Variants in HCFC1 observed in about 807,000 individuals in gnomAD.
The protein encoded by HCFC1 is host cell factor 1.
A neutral mutation model predicts 105.5 loss-of-function variants in HCFC1; 7 were observed. That is an observed-to-expected ratio of 0.07 (90% CI 0.04 to 0.12). HCFC1 has a LOEUF of 0.12. HCFC1 is among the 10% of genes least tolerant of loss of function. The probability of loss-of-function intolerance (pLI) is 1.00; values close to 1 mark genes in which losing one functional copy is unlikely to be tolerated. For synonymous variants in HCFC1, 918 were observed against 828.1 expected, an observed-to-expected ratio of 1.11 and a Z score of -1.86; for missense variants, 1,065 against 1,823.6, an observed-to-expected ratio of 0.58 and a Z score of 7.58.
rs1426040631 is a variant in HCFC1 at position 153,956,904 on chromosome X, T to C, written c.2496+14A>G. On this transcript the variant is annotated intron_variant, in intron 14 of 25. Transcript: ENST00000310441. ...CTAGGACACTGGGCTGAGAGACGGC[T>C]GGGAGTGCCTCACCTGGGTCACTCC... 4.1e-6 allele frequency: 5 copies of C among 1,210,228 alleles called. No individual in the cohort carries two copies. The highest frequency in any genetic ancestry group is 4.5e-6 in the Non-Finnish European group (4 of 895,058).
Position 153,958,756 on chromosome X carries a change from C to T in HCFC1, c.1616G>A (p.Ser539Asn), listed in dbSNP as rs1022915985. Reference sequence around the variant, plus strand: ...GGCCATCCCACTCATCTGTGGGCTACTGCCAATCACCTGCAGCAGGCACGG... The same window carrying T: ...GGCCATCCCACTCATCTGTGGGCTATTGCCAATCACCTGCAGCAGGCACGG... ...TQSAQGTVIG[S>N]SPQMSGMAAL... is the part of the protein sequence containing the mutation. The change falls in exon 10 of 26, where the codon AGT becomes AAT. Residue 539 changes from serine to asparagine, a missense_variant. Physicochemically the swap from Ser to Asn is conservative, Grantham distance 46. Coordinates refer to ENST00000310441, the MANE Select transcript of HCFC1 (RefSeq NM_005334.3). The T allele has an allele frequency of 7.3e-5, 85 of 1,162,016 alleles. No individual in the cohort carries two copies. Among genetic ancestry groups the T allele is most frequent in the Non-Finnish European group, 9.0e-5 (78 of 867,553 alleles).
Position 153,951,680 on chromosome X carries a change from G to T in HCFC1, c.5288C>A (p.Ala1763Asp), listed in dbSNP as rs782003808. Reference sequence around the variant, plus strand: ...GCTGGCCACCACAACCGGCTGGGGGGCCACAAATGTGTTGGATGGAGCCAG... The same window carrying T: ...GCTGGCCACCACAACCGGCTGGGGGTCCACAAATGTGTTGGATGGAGCCAG... ...ESLAPSNTFV[A>D]PQPVVVASPA... The change falls in exon 21 of 26, where the codon GCC becomes GAC. Residue 1763 changes from alanine (A) to aspartate (D), a missense_variant. Transcript: ENST00000310441. 1.7e-6 allele frequency: 2 copies of T among 1,210,068 alleles called. No individual in the cohort carries two copies. The highest frequency in any genetic ancestry group is 1.1e-6 in the Non-Finnish European group (1 of 894,771).
chrX:153,960,758 C>T (rs1557116641), intron 6 of HCFC1, among the ~76,000 whole-genome samples: 1 of 112,395 alleles, frequency 8.9e-6, no homozygotes, highest in African/African-American at 3.2e-5. Context: ...CACACACTCT[C>T]ACGCAAAAGA....
chrX:153,964,761 C>T lies in HCFC1; in HGVS notation c.194-35G>A, dbSNP rs782361151. ...AGAAGGAGGCAGAAGTCAGAACACCCGGGAGCCCCCATTCCTCTCATTCCC... is the reference window on the plus strand; with the variant it reads ...AGAAGGAGGCAGAAGTCAGAACACCTGGGAGCCCCCATTCCTCTCATTCCC... On this transcript the variant is annotated intron_variant, in intron 1 of 25. Coordinates refer to ENST00000310441, the MANE Select transcript of HCFC1 (RefSeq NM_005334.3). 2.6e-5 allele frequency: 29 copies of T among 1,118,969 alleles called. No individual in the cohort carries two copies. The South Asian group carries it at 5.7e-4, about 22-fold the overall frequency. The allele number at this position is 1,118,969 out of a possible 1,213,427, so 92.2% of individuals were successfully genotyped here.
rs2065383306 is a variant in HCFC1 at position 153,956,957 on chromosome X, G to T, written c.2457C>A (p.Pro819=). ...GCTGCCCGTGGCCAGTGGCAATTTT[G>T]GGGACAGCAGTGATGATTTTCGCAG... ...GAPAKIITAV[P]KIATGHGQQG... is the part of the protein sequence containing the mutation. The change falls in exon 14 of 26, where the codon CCC becomes CCA. Residue 819 remains proline (P), a synonymous_variant. Transcript: ENST00000310441. 2 of 1,208,915 alleles carry T rather than the reference G, an allele frequency of 1.7e-6. No individual in the cohort carries two copies. Among genetic ancestry groups the T allele is most frequent in the Non-Finnish European group, 2.2e-6 (2 of 894,957 alleles).
chrX:153,956,446 G>T, intron 15 of HCFC1, 35 bp from the exon 16 acceptor site: 1 of 1,167,396 alleles, frequency 8.6e-7, no homozygotes, highest in Non-Finnish European at 1.2e-6. Flanking sequence ...GGCCAAGGCT[G>T]CTGCTGTCTC....
At chrX:153,965,401 G>A (rs1295205893) in intron 1 of HCFC1, among the ~76,000 whole-genome samples, 2 of 108,352 alleles carry the variant, frequency 1.8e-5, no homozygotes, top group African/African-American at 3.4e-5. Context: ...AAGAAAGAGG[G>A]AAATCAGACC....
rs7883972 is a variant in HCFC1 at position 153,958,394 on chromosome X, C to T, written c.1804-145G>A. On this transcript the variant is annotated intron_variant, in intron 10 of 25. Transcript: ENST00000310441. Reference sequence around the variant, plus strand: ...CCCAAGCCCAAGAACAGCTTGGTTCCCCCTTCCTTTAACAGGCAAGGGAGG... The same window carrying T: ...CCCAAGCCCAAGAACAGCTTGGTTCTCCCTTCCTTTAACAGGCAAGGGAGG... 0.017 allele frequency: 11,630 copies of T among 676,744 alleles called. 921 individuals are homozygous for T. The African/African-American group carries it at 0.22, about 13-fold the overall frequency. 55.8% of individuals were successfully genotyped at this position (676,744 alleles called of 1,213,427 possible).
chrX:153,971,568 C>T lies in HCFC1; in HGVS notation c.-728G>A. ...GTCCGCCTCTGCTGCTCAGGCTGCG[C>T]CTGCCGCCGTGGGAGCCGCCATCTT... On this transcript the variant is annotated 5_prime_UTR_variant, in exon 1 of 26. Transcript: ENST00000310441. 1 of 294,113 alleles carries T rather than the reference C, an allele frequency of 3.4e-6. No homozygotes were observed. The highest frequency in any genetic ancestry group is 5.9e-6 in the Non-Finnish European group (1 of 168,515). 24.2% of individuals were successfully genotyped at this position (294,113 alleles called of 1,213,427 possible).
intron 16 of HCFC1, 112 bp from the exon 17 acceptor site, chrX:153,955,654 G>A (rs995445009): frequency 9.0e-6 from 7 of 779,646 alleles, no homozygotes; most frequent in Admixed American, 3.6e-5. Flanking sequence ...ACTTCTCAAC[G>A]GCCCTGGCAG....
Position 153,971,325 on chromosome X carries a change from AG to A in HCFC1, c.-486del. 6.7e-6 allele frequency: 2 copies of A among 298,506 alleles called. No individual in the cohort carries two copies. Among genetic ancestry groups the A allele is most frequent in the Non-Finnish European group, 1.2e-5 (2 of 170,746 alleles). 24.6% of individuals were successfully genotyped at this position (298,506 alleles called of 1,213,427 possible). On this transcript the variant is annotated 5_prime_UTR_variant, in exon 1 of 26. Transcript: ENST00000310441. Reference sequence around the variant, plus strand: ...GAGCCACAAGCGCCGCGGTCGTCGCAGCCCCGCCGGCGCTCAGACCACAATT... The same window carrying A: ...GAGCCACAAGCGCCGCGGTCGTCGCACCCCGCCGGCGCTCAGACCACAATT...
chrX:153,970,338 A>T (rs1389471558), intron 1 of HCFC1, among the ~76,000 whole-genome samples: 1 of 106,038 alleles, frequency 9.4e-6, no homozygotes, highest in African/African-American at 3.4e-5. Flanking sequence ...CCAATCCTCA[A>T]ACACGGGAGA....
chrX:153,961,664 G>A lies in HCFC1; in HGVS notation c.798-16C>T, dbSNP rs782640627. On this transcript the variant is annotated splice_polypyrimidine_tract_variant and intron_variant, in intron 5 of 25. Transcript: ENST00000310441. The stretch of plus-strand genomic sequence containing the variant: ...CACGTACATTCTGGGAGTGAGGAGG[G>A]AAGAGTGGGAAAGGATTGTAGAGTT... 2 of 1,127,321 alleles carry A rather than the reference G, an allele frequency of 1.8e-6. No individual in the cohort carries two copies. Among genetic ancestry groups the A allele is most frequent in the Non-Finnish European group, 2.4e-6 (2 of 821,780 alleles). The allele number at this position is 1,127,321 out of a possible 1,213,427, so 92.9% of individuals were successfully genotyped here.
In HCFC1 at chrX:153,971,394, C is replaced by T. The variant is rs782747432; in HGVS notation, c.-554G>A. 1.4e-5 allele frequency: 4 copies of T among 293,204 alleles called. No individual in the cohort carries two copies. The highest frequency in any genetic ancestry group is 2.3e-4 in the South Asian group (1 of 4,441). 24.2% of individuals were successfully genotyped at this position (293,204 alleles called of 1,213,427 possible). A position where few individuals can be genotyped will look rare whatever the true frequency, so the allele number is the denominator to read the frequency against. On this transcript the variant is annotated 5_prime_UTR_variant, in exon 1 of 26. Transcript: ENST00000310441. ...GAGACCGTCCCGCTTCCCCGCCCAG[C>T]GCCTTAGTGCAGCCGCCGCTCCCGA...
rs1557113565 is a variant in HCFC1, at chrX:153,954,202, G to T, written c.4197C>A (p.Val1399=). ...SGLEVAAAPS[V]TPQAGTALLA... is the part of the protein sequence containing the mutation. ...GCAGCGCGGTGCCAGCCTGGGGGGT[G>T]ACGCTGGGTGCCGCCGCCACCTCTA... is the stretch of plus-strand genomic sequence containing the variant. The change falls in exon 17 of 26, where the codon GTC becomes GTA. Residue 1399 remains valine (V), a synonymous_variant. Transcript: ENST00000310441. 8.3e-7 allele frequency: 1 copy of T among 1,206,245 alleles called. No individual in the cohort carries two copies. Among genetic ancestry groups the T allele is most frequent in the Non-Finnish European group, 1.1e-6 (1 of 894,204 alleles).
chrX:153,952,553 T>TGGCCAG lies in HCFC1; in HGVS notation c.4897_4902dup (p.Leu1633_Ala1634dup). ...TGCGCGGCCTGGAGCACCGCCTGGA[T>TGGCCAG]GGCCAGGGCCTGGGCTTCCTCCGTG... On this transcript the variant is annotated inframe_insertion, in exon 19 of 26. Coordinates refer to ENST00000310441, the MANE Select transcript of HCFC1 (RefSeq NM_005334.3). 8.4e-7 allele frequency: 1 copy of TGGCCAG among 1,184,746 alleles called. No homozygotes were observed. Among genetic ancestry groups the TGGCCAG allele is most frequent in the Non-Finnish European group, 1.1e-6 (1 of 880,614 alleles).
chrX:153,958,916 G>A (rs188775124), intron 9 of HCFC1, 150 bp from the exon 10 acceptor site: 8 of 440,943 alleles, frequency 1.8e-5, no homozygotes, highest in Admixed American at 1.5e-4. Context: ...GCCAGACCCC[G>A]CTCTCCTGGC....
In HCFC1 at chrX:153,970,691, G is replaced by A. The variant is rs1557119890; in HGVS notation, c.150C>T (p.Gly50=). Residue 50 remains glycine (G), a synonymous_variant, in exon 1 of 26, where the codon GGC becomes GGT. Coordinates refer to ENST00000310441, the MANE Select transcript of HCFC1 (RefSeq NM_005334.3). The stretch of plus-strand genomic sequence containing the variant: ...GTTCGTCCACTATTCCCTCGTTGCC[G>A]CCGCCAAACACCACGATGAGCTCCT... ...AIKELIVVFG[G]GNEGIVDELH... The A allele has an allele frequency of 8.3e-7, 1 of 1,209,321 alleles. No individual in the cohort carries two copies. The highest frequency in any genetic ancestry group is 1.8e-5 in the South Asian group (1 of 56,739).
chrX:153,953,656 G>A lies in HCFC1; in HGVS notation c.4448C>T (p.Ala1483Val). 1 of 1,211,039 alleles carries A rather than the reference G, an allele frequency of 8.3e-7. No individual in the cohort carries two copies. The highest frequency in any genetic ancestry group is 1.1e-6 in the Non-Finnish European group (1 of 895,274). The change falls in exon 18 of 26, where the codon GCT becomes GTT. Residue 1483 changes from alanine (A) to valine (V), a missense_variant. Transcript: ENST00000310441. ...TGTGGACTGCGTCACGGTGGTCACAGCCCGCGTCAGTGTGGAGGACACGGT... is the reference window on the plus strand; with the variant it reads ...TGTGGACTGCGTCACGGTGGTCACAACCCGCGTCAGTGTGGAGGACACGGT... ...TTTVSSTLTR[A>V]VTTVTQSTPV...
Sources: allele counts gnomAD v4.1 joint callset (sites outside exome capture counted in the v4.1 genomes callset), GRCh38; gene constraint gnomAD v4.1.1; transcripts MANE v1.5; gene names NCBI Gene and HGNC (gene_info 2026-07-23, HGNC 2026-07-21).